The following TXN variants were observed in gnomAD, a reference collection of about 807,000 sequenced individuals.
TXN encodes ADF.
A neutral mutation model predicts 16.5 loss-of-function variants in TXN; 10 were observed. The observed-to-expected ratio is 0.61, with a 90% CI of 0.37 to 1.03. TXN has a LOEUF of 1.03. TXN is among the 50% of genes least tolerant of loss of function. The pLI is 0.01. For synonymous variants in TXN, 35 were observed against 39.4 expected, an observed-to-expected ratio of 0.89 and a Z score of 0.42; for missense variants, 71 against 122.5, an observed-to-expected ratio of 0.58 and a Z score of 1.98.
In TXN at chr9:110,256,371, C is replaced by A; in HGVS notation, c.24+41G>T. Reference sequence around the variant, plus strand: ...CCGCCTTCCCCAGTTACAGAGGCCGCGCGCGGCGCCGGCACCCTGGCCTTC... The same window carrying A: ...CCGCCTTCCCCAGTTACAGAGGCCGAGCGCGGCGCCGGCACCCTGGCCTTC... On this transcript the variant is annotated intron_variant, in intron 1 of 4. Coordinates refer to ENST00000374517, the MANE Select transcript of TXN (RefSeq NM_003329.4). The surrounding 1 kb of genome is among the most constrained non-coding windows in gnomAD (Gnocchi z 4.2). 2 of 1,593,878 alleles carry A rather than the reference C, an allele frequency of 1.3e-6. No homozygotes were observed. Among genetic ancestry groups the A allele is most frequent in the Non-Finnish European group, 1.7e-6 (2 of 1,170,632 alleles).
intron 1 of TXN, among the ~76,000 whole-genome samples, chr9:110,253,399 C>G (rs546817670): frequency 6.6e-6 from 1 of 152,238 alleles, no homozygotes; most frequent in Admixed American, 6.5e-5. Flanking sequence ...TCCAAATCAT[C>G]ACTTATTGTT....
chr9:110,256,095 C>T lies in TXN; in HGVS notation c.24+317G>A, dbSNP rs940888887. ...CCTCACGCTGTCTGCGCTCTCACAT[C>T]CCCCGGACGCTCCCCGCGTGCGTGC... On this transcript the variant is annotated intron_variant, in intron 1 of 4. Transcript: ENST00000374517. This position sits in a 1 kb window ranked among gnomAD's most constrained non-coding sequence, Gnocchi z 4.2. 2.0e-5 allele frequency among the ~76,000 whole-genome samples: 3 copies of T among 152,176 alleles called. No homozygotes were observed. Among genetic ancestry groups the T allele is most frequent in the African/African-American group, 7.2e-5 (3 of 41,444 alleles).
intron 1 of TXN, among the ~76,000 whole-genome samples, chr9:110,252,021 C>T (rs1444427592): frequency 4.0e-5 from 6 of 151,842 alleles, no homozygotes; most frequent in Non-Finnish European, 8.8e-5. Context: ...GTCAGGAGTT[C>T]GAGACCAGCC....
At chr9:110,255,762 G>GC in intron 1 of TXN, among the ~76,000 whole-genome samples, 1 of 152,304 alleles carries the variant, frequency 6.6e-6, no homozygotes, top group African/African-American at 2.4e-5. Flanking sequence ...GCCGCAATCC[G>GC]CCCCCTTAGT....
chr9:110,245,656 T>TATA (rs1587920690), intron 3 of TXN, among the ~76,000 whole-genome samples: 41 of 64,640 alleles, frequency 6.3e-4, no homozygotes, highest in South Asian at 4.3e-3. Context: ...ATATATATAT[T>TATA]TTTTTTTTTT....
In TXN at chr9:110,250,895, T is replaced by A. The variant is rs1431033531; in HGVS notation, c.130-16A>T. The A allele has an allele frequency of 1.3e-6, 2 of 1,598,378 alleles. No individual in the cohort carries two copies. Among genetic ancestry groups the A allele is most frequent in the Admixed American group, 1.7e-5 (1 of 57,928 alleles). On this transcript the variant is annotated splice_polypyrimidine_tract_variant and intron_variant, in intron 2 of 4. Transcript: ENST00000374517. Reference sequence around the variant, plus strand: ...CAGAGAGGGACTGGAAAATTTAAAATGAAAAATCCAAAAAGATTTAGAACT... The same window carrying A: ...CAGAGAGGGACTGGAAAATTTAAAAAGAAAAATCCAAAAAGATTTAGAACT...
intron 4 of TXN, among the ~76,000 whole-genome samples, 190 bp downstream of exon 4, chr9:110,244,588 A>AG (rs1837624029): frequency 6.6e-6 from 1 of 152,190 alleles, no homozygotes; most frequent in African/African-American, 2.4e-5. Context: ...TAGTTCTAGG[A>AG]AAGATTGATT....
intron 3 of TXN, among the ~76,000 whole-genome samples, chr9:110,245,652 ATATT>A (rs1239099011): frequency 1.8e-3 from 43 of 23,628 alleles, no homozygotes; most frequent in African/African-American, 2.4e-3. Flanking sequence ...ATATATATAT[ATATT>A]TTTTTTTTTT....
chr9:110,249,298 C>T lies in TXN; in HGVS notation c.189+1522G>A, dbSNP rs138105677. On this transcript the variant is annotated intron_variant, in intron 3 of 4. Transcript: ENST00000374517. ...AGGATTTTTCACAAAAATGCAATTA[C>T]ACTCTTTTTAAAAAAAAAAAAACAA... Among the ~76,000 whole-genome samples, 6 of 126,970 alleles carry T rather than the reference C, an allele frequency of 4.7e-5. No individual in the cohort carries two copies. In the East Asian group the frequency reaches 1.8e-3, roughly 38 times the overall value. The allele number at this position is 126,970 out of a possible 152,430, so 83.3% of individuals were successfully genotyped here.
At chr9:110,254,884 C>T (rs938120002) in intron 1 of TXN, among the ~76,000 whole-genome samples, 1 of 152,100 alleles carries the variant, frequency 6.6e-6, no homozygotes, top group Non-Finnish European at 1.5e-5. Flanking sequence ...GAACAGAATC[C>T]CAGCCCCACT....
chr9:110,256,359 T>C lies in TXN; in HGVS notation c.24+53A>G. On this transcript the variant is annotated intron_variant, in intron 1 of 4. Coordinates refer to ENST00000374517, the MANE Select transcript of TXN (RefSeq NM_003329.4). This position sits in a 1 kb window ranked among gnomAD's most constrained non-coding sequence, Gnocchi z 4.2. The stretch of plus-strand genomic sequence containing the variant: ...CACCTCCCGCCACCGCCTTCCCCAG[T>C]TACAGAGGCCGCGCGCGGCGCCGGC... 1 of 1,542,454 alleles carries C rather than the reference T, an allele frequency of 6.5e-7. No individual in the cohort carries two copies. Among genetic ancestry groups the C allele is most frequent in the Non-Finnish European group, 8.8e-7 (1 of 1,135,374 alleles).
rs1837733330 is a variant in TXN, at chr9:110,251,369, G to A, written c.118C>T (p.Pro40Ser). The A allele has an allele frequency of 6.2e-7, 1 of 1,609,546 alleles. No individual in the cohort carries two copies. The highest frequency in any genetic ancestry group is 1.1e-5 in the South Asian group (1 of 90,916). ...TGTTTAATACTCACATGAAAGAAAG[G>A]CTTGATCATTTTGCAAGGCCCACAC... Reference protein sequence around the residue: ...TWCGPCKMIKPFFHSLSEKYS... With the variant: ...TWCGPCKMIKSFFHSLSEKYS... Residue 40 changes from proline (P) to serine (S), a missense_variant, in exon 2 of 5, where the codon CCT becomes TCT. Transcript: ENST00000374517.
intron 1 of TXN, among the ~76,000 whole-genome samples, chr9:110,252,232 A>AC: frequency 6.7e-6 from 1 of 150,108 alleles, no homozygotes; most frequent in Non-Finnish European, 1.5e-5. Flanking sequence ...GCAAAAAAAA[A>AC]AAAAAAAAAA....
At chr9:110,251,991 C>T (rs961359824) in intron 1 of TXN, among the ~76,000 whole-genome samples, 4 of 151,802 alleles carry the variant, frequency 2.6e-5, no homozygotes, top group African/African-American at 4.8e-5. Context: ...TTTGGGAGGC[C>T]GAGGTGGGCG....
At chr9:110,245,642 A>AT (rs1837644081) in intron 3 of TXN, among the ~76,000 whole-genome samples, 1 of 29,624 alleles carries the variant, frequency 3.4e-5, no homozygotes, top group Non-Finnish European at 5.7e-5. Flanking sequence ...ATATATATAT[A>AT]TATATATATA....
At chr9:110,247,196 G>A (rs1317365095) in intron 3 of TXN, among the ~76,000 whole-genome samples, 2 of 152,036 alleles carry the variant, frequency 1.3e-5, no homozygotes, top group African/African-American at 4.8e-5. Flanking sequence ...GGTAGCGGCT[G>A]CCTGTAGTCC....
At chr9:110,246,536 C>T (rs1837662994) in intron 3 of TXN, among the ~76,000 whole-genome samples, 1 of 152,122 alleles carries the variant, frequency 6.6e-6, no homozygotes, top group Non-Finnish European at 1.5e-5. Flanking sequence ...AAATATAGAA[C>T]CACTCAGCAC....
At chr9:110,245,602 T>TATATATACAC (rs200327890) in intron 3 of TXN, among the ~76,000 whole-genome samples, 1 of 62,502 alleles carries the variant, frequency 1.6e-5, no homozygotes, top group East Asian at 2.0e-3. Flanking sequence ...TGTATATATA[T>TATATATACAC]ACACACACAC....
intron 3 of TXN, 22 bp from the exon 4 acceptor site, chr9:110,244,865 G>T (rs754930131): frequency 6.2e-7 from 1 of 1,604,314 alleles, no homozygotes; most frequent in East Asian, 2.2e-5. Flanking sequence ...AGTAGCAAAG[G>T]GAGAGGATTA....
Sources: gnomAD v4.1 joint callset for allele counts (sites outside exome capture counted in the v4.1 genomes callset) on GRCh38, gnomAD v4.1.1 for gene constraint, Gnocchi (gnomAD v3.1) non-coding constraint, MANE v1.5 for transcripts, NCBI Gene and HGNC (gene_info 2026-07-23, HGNC 2026-07-21) for gene names.